Variants in ARHGAP6 observed in about 807,000 individuals in gnomAD.
ARHGAP6 encodes the protein rho GTPase-activating protein 6.
ARHGAP6 carries 16 observed loss-of-function variants against 55.7 expected under a neutral mutation model. That is an observed-to-expected ratio of 0.29 (90% CI 0.19 to 0.44). ARHGAP6 has a LOEUF of 0.44. Ranked by LOEUF, ARHGAP6 falls within the 20% of genes least tolerant of loss-of-function variation. ARHGAP6 has a pLI of 1.00. For missense variants in ARHGAP6, 698 were observed against 808.9 expected (o/e 0.86, Z 1.66); for synonymous variants, 382 against 360.9 (o/e 1.06, Z -0.66).
chrX:11,530,186 C>T (rs901974640), intron 1 of ARHGAP6, among the ~76,000 whole-genome samples: 1 of 111,445 alleles, frequency 9.0e-6, no homozygotes, highest in Non-Finnish European at 1.9e-5. Flanking sequence ...ATTCGTCATT[C>T]ACACTCATCC....
intron 1 of ARHGAP6, among the ~76,000 whole-genome samples, chrX:11,277,596 G>A (rs1235342231): frequency 1.8e-5 from 2 of 110,890 alleles, no homozygotes; most frequent in Non-Finnish European, 3.8e-5. Context: ...AGCCATCAGA[G>A]CTTTTTCCAA....
chrX:11,401,871 AG>A (rs2049553410), intron 1 of ARHGAP6, among the ~76,000 whole-genome samples: 1 of 112,618 alleles, frequency 8.9e-6, no homozygotes, highest in Non-Finnish European at 1.9e-5. Context: ...TTCAGTAAAA[AG>A]GCTAGTGCAT....
intron 1 of ARHGAP6, among the ~76,000 whole-genome samples, chrX:11,616,306 G>A (rs1376150554): frequency 1.8e-5 from 2 of 110,919 alleles, no homozygotes; most frequent in Non-Finnish European, 3.8e-5. Context: ...GCAGAACCAT[G>A]AGCCAAATAA....
intron 1 of ARHGAP6, among the ~76,000 whole-genome samples, chrX:11,319,528 CTCTT>C (rs1176031097): frequency 2.7e-5 from 3 of 111,930 alleles, no homozygotes; most frequent in Admixed American, 9.5e-5. Flanking sequence ...CTCTCATTCT[CTCTT>C]TCTATCTCAT....
intron 1 of ARHGAP6, among the ~76,000 whole-genome samples, chrX:11,262,868 G>A (rs1198995303): frequency 9.0e-6 from 1 of 111,328 alleles, no homozygotes; most frequent in Admixed American, 9.6e-5. Flanking sequence ...TCATTATTAA[G>A]ATGGAGAAAA....
intron 9 of ARHGAP6, among the ~76,000 whole-genome samples, chrX:11,160,177 C>T (rs995636094): frequency 1.5e-4 from 17 of 109,864 alleles, no homozygotes; most frequent in African/African-American, 5.3e-4. Flanking sequence ...TGGCTGGGTG[C>T]GGTGGCTCAC....
intron 1 of ARHGAP6, among the ~76,000 whole-genome samples, chrX:11,450,980 G>C (rs2050138686): frequency 1.8e-5 from 2 of 111,506 alleles, no homozygotes; most frequent in South Asian, 7.6e-4. Context: ...ATTACCAAGA[G>C]GGCTGTTAAT....
intron 6 of ARHGAP6, 25 bp downstream of exon 6, chrX:11,182,038 A>G: frequency 8.5e-7 from 1 of 1,175,070 alleles, no homozygotes; most frequent in East Asian, 3.0e-5. Flanking sequence ...TGTGAAACAA[A>G]ATATAATCTT....
In ARHGAP6 at chrX:11,197,716, T is replaced by C. The variant is rs181215445; in HGVS notation, c.749-720A>G. On this transcript the variant is annotated intron_variant, in intron 2 of 12. Coordinates refer to ENST00000337414, the MANE Select transcript of ARHGAP6 (RefSeq NM_013427.3). ...ACTATAATAAGTCAGAAATACATTC[T>C]TTTACAGTCTAGTATTTGCAACAAA... Among the ~76,000 whole-genome samples the C allele has an allele frequency of 4.4e-5, 5 of 112,494 alleles. No individual in the cohort carries two copies. In the East Asian group the frequency reaches 1.4e-3, roughly 31 times the overall value.
Position 11,610,275 on chromosome X carries a change from A to G in ARHGAP6, c.588+53966T>C, listed in dbSNP as rs1411160787. Among the ~76,000 whole-genome samples, 3 of 109,607 alleles carry G rather than the reference A, an allele frequency of 2.7e-5. No individual in the cohort carries two copies. In the East Asian group the frequency reaches 8.3e-4, roughly 30 times the overall value. On this transcript the variant is annotated intron_variant, in intron 1 of 12. Coordinates refer to ENST00000337414, the MANE Select transcript of ARHGAP6 (RefSeq NM_013427.3). ...ATTTAAAAGAAATTAAAACATTTTC[A>G]TGGGCCCTTGAAGTACTGTGAGCCC... is the stretch of plus-strand genomic sequence containing the variant.
At chrX:11,472,592 G>A (rs1368841312) in intron 1 of ARHGAP6, among the ~76,000 whole-genome samples, 1 of 111,914 alleles carries the variant, frequency 8.9e-6, no homozygotes, top group Non-Finnish European at 1.9e-5. Flanking sequence ...CAGAATGCGT[G>A]AGCAGGGGCC....
intron 1 of ARHGAP6, among the ~76,000 whole-genome samples, chrX:11,628,443 G>A (rs2052323868): frequency 8.9e-6 from 1 of 112,453 alleles, no homozygotes; most frequent in Admixed American, 9.4e-5. Flanking sequence ...GTAATGCTGA[G>A]GATTTAAAGG....
intron 1 of ARHGAP6, among the ~76,000 whole-genome samples, chrX:11,324,302 A>G (rs2048471963): frequency 8.9e-6 from 1 of 112,359 alleles, no homozygotes; most frequent in Non-Finnish European, 1.9e-5. Context: ...GTCCAGTCAA[A>G]GTAAAAGCAG....
At chrX:11,208,945 G>A (rs2046748332) in intron 2 of ARHGAP6, among the ~76,000 whole-genome samples, 1 of 112,136 alleles carries the variant, frequency 8.9e-6, no homozygotes, top group South Asian at 3.7e-4. Flanking sequence ...TAGCTTAAAA[G>A]GAAGAATGTT....
chrX:11,316,980 A>G (rs1356992692), intron 1 of ARHGAP6, among the ~76,000 whole-genome samples: 1 of 112,235 alleles, frequency 8.9e-6, no homozygotes, highest in Non-Finnish European at 1.9e-5. Flanking sequence ...ACGGGTATTT[A>G]TTGTTCTGGT....
chrX:11,228,785 G>T (rs920957254), intron 2 of ARHGAP6, among the ~76,000 whole-genome samples: 2 of 111,966 alleles, frequency 1.8e-5, no homozygotes, highest in Non-Finnish European at 3.8e-5. Context: ...TATTCTGATG[G>T]CTGATGAAAA....
Position 11,196,975 on chromosome X carries a change from G to T in ARHGAP6, c.770C>A (p.Ser257Tyr). Reference protein sequence around the residue: ...IPKDGQKRKKSLRKKLDSLGK... With the variant: ...IPKDGQKRKKYLRKKLDSLGK... ...TAGTGAATCCAGTTTCTTTCTTAAA[G>T]ATTTCTTTCTCTTTTGTCCATCTGT... is the stretch of plus-strand genomic sequence containing the variant. The change falls in exon 3 of 13, where the codon TCT becomes TAT. Residue 257 changes from serine (S) to tyrosine (Y), a missense_variant. Transcript: ENST00000337414. 1.9e-6 allele frequency: 2 copies of T among 1,079,416 alleles called. No homozygotes were observed. Among genetic ancestry groups the T allele is most frequent in the Non-Finnish European group, 2.6e-6 (2 of 777,006 alleles). 89.0% of individuals were successfully genotyped at this position (1,079,416 alleles called of 1,213,427 possible).
chrX:11,510,385 A>T (rs2050774288), intron 1 of ARHGAP6, among the ~76,000 whole-genome samples: 1 of 111,019 alleles, frequency 9.0e-6, no homozygotes, highest in Non-Finnish European at 1.9e-5. Context: ...ATCACTAAAG[A>T]GGATATTTTC....
At chrX:11,646,278 A>G (rs2189588) in intron 1 of ARHGAP6, among the ~76,000 whole-genome samples, 43,021 of 109,970 alleles carry the variant, frequency 0.39, 6,291 homozygotes, top group African/African-American at 0.5. Context: ...CCCTCGACAC[A>G]TGAGGATTAA....
Sources: allele counts gnomAD v4.1 joint callset (sites outside exome capture counted in the v4.1 genomes callset), GRCh38; gene constraint gnomAD v4.1.1; transcripts MANE v1.5; gene names NCBI Gene and HGNC (gene_info 2026-07-23, HGNC 2026-07-21).